The following KIF6 variants were observed in gnomAD, a reference collection of about 807,000 sequenced individuals.
KIF6 encodes the protein kinesin family member 6, also known as kinesin-like protein KIF6.
In KIF6, 106 loss-of-function variants were observed where a neutral mutation model predicts 112.7. The ratio of observed to expected loss-of-function variants is 0.94; its 90% CI spans 0.80 to 1.11. The LOEUF is 1.11. Among genes scored for constraint, KIF6 ranks in the 50% least tolerant of loss-of-function variants. The probability of loss-of-function intolerance (pLI) is 0.00; values close to 1 mark genes in which losing one functional copy is unlikely to be tolerated. For synonymous variants in KIF6, 339 were observed against 339.9 expected, an observed-to-expected ratio of 1.00 and a Z score of 0.03; for missense variants, 929 against 964.0, an observed-to-expected ratio of 0.96 and a Z score of 0.48.
chr6:39,395,218 A>T (rs952270739), intron 15 of KIF6, among the ~76,000 whole-genome samples: 3 of 152,242 alleles, frequency 2.0e-5, no homozygotes, highest in Non-Finnish European at 2.9e-5. Flanking sequence ...CTGAAGCTCA[A>T]GCATTTGGCT....
intron 15 of KIF6, among the ~76,000 whole-genome samples, chr6:39,386,182 T>C (rs1369986689): frequency 2.0e-5 from 3 of 152,236 alleles, no homozygotes; most frequent in African/African-American, 7.2e-5. Context: ...AATAAAGGTA[T>C]GATGCACAGA....
At chr6:39,639,448 C>G (rs866272509) in intron 4 of KIF6, among the ~76,000 whole-genome samples, 162 bp downstream of exon 4, 76 of 152,146 alleles carry the variant, frequency 5.0e-4, no homozygotes, top group African/African-American at 1.8e-3. Flanking sequence ...ACTTGTACAG[C>G]AAAATCCCAA....
At chr6:39,429,833 G>C (rs533130483) in intron 14 of KIF6, among the ~76,000 whole-genome samples, 3 of 151,950 alleles carry the variant, frequency 2.0e-5, no homozygotes, top group Non-Finnish European at 4.4e-5. Flanking sequence ...GCTTGAACCC[G>C]GGAGGTGGAG....
intron 13 of KIF6, among the ~76,000 whole-genome samples, chr6:39,440,183 T>C (rs1481538506): frequency 6.6e-6 from 1 of 151,770 alleles, no homozygotes; most frequent in African/African-American, 2.4e-5. Context: ...TGTTTGGGAC[T>C]GAAAGCATGA....
chr6:39,535,289 C>G (rs969362260), intron 13 of KIF6, among the ~76,000 whole-genome samples: 1 of 152,088 alleles, frequency 6.6e-6, no homozygotes, highest in African/African-American at 2.4e-5. Flanking sequence ...AGAGTCAAGA[C>G]CCATCAGTGT....
At chr6:39,461,017 C>A (rs1052554659) in intron 13 of KIF6, among the ~76,000 whole-genome samples, 7 of 152,168 alleles carry the variant, frequency 4.6e-5, no homozygotes, top group African/African-American at 9.7e-5. Flanking sequence ...TTCTTGCATT[C>A]CTTCACATTC....
intron 5 of KIF6, among the ~76,000 whole-genome samples, chr6:39,617,062 C>T (rs952134611): frequency 2.6e-5 from 4 of 151,818 alleles, no homozygotes; most frequent in South Asian, 2.1e-4. Context: ...ATGGAAACCC[C>T]CAAACTATTT....
At chr6:39,655,923 T>A (rs1249047802) in intron 3 of KIF6, among the ~76,000 whole-genome samples, 1 of 152,244 alleles carries the variant, frequency 6.6e-6, no homozygotes, top group Admixed American at 6.5e-5. Context: ...CCTTTCCTTG[T>A]GAATTTTAAA....
intron 13 of KIF6, 30 bp from the exon 14 acceptor site, chr6:39,431,191 G>T: frequency 7.9e-7 from 1 of 1,273,714 alleles, no homozygotes. Flanking sequence ...AATGGCCTCA[G>T]TCACAGCATC....
intron 13 of KIF6, among the ~76,000 whole-genome samples, chr6:39,496,195 C>G (rs557990541): frequency 6.6e-6 from 1 of 152,142 alleles, no homozygotes; most frequent in South Asian, 2.1e-4. Flanking sequence ...CACTATCTAC[C>G]GACAGAGATC....
intron 19 of KIF6, among the ~76,000 whole-genome samples, chr6:39,350,201 C>A (rs546329106): frequency 6.6e-6 from 1 of 151,988 alleles, no homozygotes; most frequent in Non-Finnish European, 1.5e-5. Flanking sequence ...GAGCGGATAC[C>A]CCAGGCAGGA....
intron 13 of KIF6, among the ~76,000 whole-genome samples, chr6:39,528,166 T>C (rs1281240876): frequency 6.6e-6 from 1 of 152,178 alleles, no homozygotes; most frequent in African/African-American, 2.4e-5. Context: ...CTCTGCTTCT[T>C]TGAGTTCGAT....
In KIF6 at chr6:39,694,539, A is replaced by G. The variant is rs1788415512; in HGVS notation, c.251+20153T>C. ...TACACCAATAACATTCAAGCTGAGA[A>G]CCAAATCAAGAATGCAATCCCATTT... is the stretch of plus-strand genomic sequence containing the variant. On this transcript the variant is annotated intron_variant, in intron 3 of 22. Coordinates refer to ENST00000287152, the MANE Select transcript of KIF6 (RefSeq NM_145027.6). 2.0e-5 allele frequency among the ~76,000 whole-genome samples: 3 copies of G among 152,170 alleles called. No homozygotes were observed. In the South Asian group the frequency reaches 6.2e-4, roughly 32 times the overall value.
chr6:39,684,282 G>A (rs1174591639), intron 3 of KIF6, among the ~76,000 whole-genome samples: 1 of 151,984 alleles, frequency 6.6e-6, no homozygotes, highest in Non-Finnish European at 1.5e-5. Flanking sequence ...CAGGTGGTTT[G>A]CTTGAAGTCA....
At chr6:39,575,372 G>A (rs1463876244) in intron 10 of KIF6, among the ~76,000 whole-genome samples, 16 of 151,780 alleles carry the variant, frequency 1.1e-4, no homozygotes, top group African/African-American at 3.6e-4. Flanking sequence ...CCGGGTTGAC[G>A]CCATTCTCCT....
At chr6:39,500,530 T>C (rs1009136378) in intron 13 of KIF6, among the ~76,000 whole-genome samples, 1 of 152,184 alleles carries the variant, frequency 6.6e-6, no homozygotes, top group Non-Finnish European at 1.5e-5. Flanking sequence ...AAGGTGCTAA[T>C]TGAGGCACCC....
chr6:39,580,175 T>G (rs563861093), intron 9 of KIF6, among the ~76,000 whole-genome samples: 23 of 152,116 alleles, frequency 1.5e-4, no homozygotes, highest in Non-Finnish European at 3.2e-4. Flanking sequence ...TCAATAAGGA[T>G]CTATAATTTT....
intron 6 of KIF6, among the ~76,000 whole-genome samples, chr6:39,597,383 A>G (rs1478460003): frequency 6.6e-6 from 1 of 152,248 alleles, no homozygotes; most frequent in Non-Finnish European, 1.5e-5. Context: ...TTATCAAGGT[A>G]TACCACAAAG....
At chr6:39,560,722 C>T (rs1779963914) in intron 10 of KIF6, among the ~76,000 whole-genome samples, 1 of 152,220 alleles carries the variant, frequency 6.6e-6, no homozygotes, top group Admixed American at 6.5e-5. Context: ...AAGCCAGAAT[C>T]TGTCATTAAT....
Sources: gnomAD v4.1 joint callset for allele counts (sites outside exome capture counted in the v4.1 genomes callset) on GRCh38, gnomAD v4.1.1 for gene constraint, MANE v1.5 for transcripts, NCBI Gene and HGNC (gene_info 2026-07-23, HGNC 2026-07-21) for gene names.